The following STRBP variants were observed in gnomAD, a reference collection of about 807,000 sequenced individuals.
STRBP encodes the protein spermatid perinuclear RNA binding protein.
STRBP carries 13 observed loss-of-function variants against 80.1 expected under a neutral mutation model. The observed-to-expected ratio is 0.16, with a 90% CI of 0.11 to 0.26. STRBP has a LOEUF of 0.26. Among genes scored for constraint, STRBP ranks in the 10% least tolerant of loss-of-function variants. The probability of loss-of-function intolerance (pLI) is 1.00; values close to 1 mark genes in which losing one functional copy is unlikely to be tolerated. For missense variants in STRBP, 485 were observed against 815.2 expected, an observed-to-expected ratio of 0.59 and a Z score of 4.93; for synonymous variants, 284 against 291.2, an observed-to-expected ratio of 0.98 and a Z score of 0.25.
chr9:123,151,240 C>G (rs2037044935), intron 11 of STRBP, among the ~76,000 whole-genome samples: 1 of 151,824 alleles, frequency 6.6e-6, no homozygotes, highest in Non-Finnish European at 1.5e-5. Context: ...TAAACTAAAA[C>G]CTGGCAGGCC....
At chr9:123,207,329 T>C (rs1247341100) in intron 2 of STRBP, among the ~76,000 whole-genome samples, 2 of 152,172 alleles carry the variant, frequency 1.3e-5, no homozygotes, top group Non-Finnish European at 2.9e-5. Context: ...ACTGCACAGT[T>C]TATGAATGAC....
At chr9:123,240,527 G>C (rs1489882756) in intron 1 of STRBP, among the ~76,000 whole-genome samples, 2 of 152,208 alleles carry the variant, frequency 1.3e-5, no homozygotes, top group African/African-American at 4.8e-5. Flanking sequence ...CAACAGGATT[G>C]ATAGAATCAA....
rs10546358 is a variant in STRBP, at chr9:123,182,217, TAAAAAAAAAAAAAAAAA to T, written c.3+1898_3+1914del. Among the ~76,000 whole-genome samples, 11 of 69,800 alleles carry T rather than the reference TAAAAAAAAAAAAAAAAA, an allele frequency of 1.6e-4. No homozygotes were observed. In the South Asian group the frequency reaches 2.7e-3, roughly 17 times the overall value. 45.8% of individuals were successfully genotyped at this position (69,800 alleles called of 152,430 possible). A position where few individuals can be genotyped will look rare whatever the true frequency, so the allele number is the denominator to read the frequency against. Reference sequence around the variant, plus strand: ...GCAACAGAGTGAGACTCCGTTTCTTTAAAAAAAAAAAAAAAAAAAAAAAAAAAAAAAGACAAAAAATT... The same window carrying T: ...GCAACAGAGTGAGACTCCGTTTCTTTAAAAAAAAAAAAAAGACAAAAAATT... On this transcript the variant is annotated intron_variant, in intron 3 of 18. Coordinates refer to ENST00000348403, the MANE Select transcript of STRBP (RefSeq NM_018387.5).
chr9:123,261,992 T>C (rs1206713796), intron 1 of STRBP, among the ~76,000 whole-genome samples: 1 of 152,224 alleles, frequency 6.6e-6, no homozygotes, highest in Non-Finnish European at 1.5e-5. Flanking sequence ...GCCTCCATCT[T>C]AACTTTTACA....
chr9:123,230,445 C>T (rs1041220621), intron 2 of STRBP, among the ~76,000 whole-genome samples: 1 of 152,192 alleles, frequency 6.6e-6, no homozygotes, highest in Non-Finnish European at 1.5e-5. Flanking sequence ...TAGTAACTTA[C>T]ATACATTTCC....
At chr9:123,219,977 G>A (rs988960220) in intron 2 of STRBP, among the ~76,000 whole-genome samples, 6 of 152,140 alleles carry the variant, frequency 3.9e-5, no homozygotes, top group African/African-American at 1.4e-4. Context: ...AGGAATGAAT[G>A]CAAACAAATG....
intron 1 of STRBP, among the ~76,000 whole-genome samples, chr9:123,261,730 C>T (rs1161936725): frequency 6.6e-6 from 1 of 152,148 alleles, no homozygotes; most frequent in East Asian, 1.9e-4. Context: ...CAAAAACAAC[C>T]GAAAATATTC....
At chr9:123,178,122 TA>T (rs1396620198) in intron 4 of STRBP, among the ~76,000 whole-genome samples, 5 of 152,188 alleles carry the variant, frequency 3.3e-5, no homozygotes, top group East Asian at 3.8e-4. Flanking sequence ...GATCTGAAGA[TA>T]AAAAAAGTTA....
intron 2 of STRBP, among the ~76,000 whole-genome samples, chr9:123,223,924 A>C (rs1158195453): frequency 6.6e-6 from 1 of 152,200 alleles, no homozygotes; most frequent in African/African-American, 2.4e-5. Flanking sequence ...GGCAGAACCA[A>C]AGGTGCTAGA....
intron 6 of STRBP, among the ~76,000 whole-genome samples, chr9:123,164,114 C>T (rs900118067): frequency 6.6e-6 from 1 of 152,140 alleles, no homozygotes; most frequent in Non-Finnish European, 1.5e-5. Flanking sequence ...GGCATGATCT[C>T]GGCTCACTGC....
intron 2 of STRBP, among the ~76,000 whole-genome samples, chr9:123,222,849 G>A (rs961074112): frequency 1.3e-5 from 2 of 152,054 alleles, no homozygotes; most frequent in African/African-American, 2.4e-5. Flanking sequence ...CAAAAATTGT[G>A]CTTAAGTATT....
intron 6 of STRBP, among the ~76,000 whole-genome samples, chr9:123,165,711 C>CAGTAAT (rs2037727286): frequency 6.6e-6 from 1 of 152,114 alleles, no homozygotes; most frequent in Non-Finnish European, 1.5e-5. Flanking sequence ...ACCAGATCAG[C>CAGTAAT]CTAACCACTC....
At chr9:123,188,125 T>C (rs1202166654) in intron 2 of STRBP, among the ~76,000 whole-genome samples, 2 of 152,202 alleles carry the variant, frequency 1.3e-5, no homozygotes, top group Admixed American at 1.3e-4. Flanking sequence ...ATATCATATG[T>C]AGCCTTTTGA....
intron 2 of STRBP, among the ~76,000 whole-genome samples, chr9:123,214,148 AC>A (rs1440437278): frequency 4.6e-5 from 3 of 64,952 alleles, no homozygotes; most frequent in African/African-American, 1.4e-4. Flanking sequence ...ATATGTATAC[AC>A]ACACACACAC....
intron 6 of STRBP, 106 bp from the exon 7 acceptor site, chr9:123,161,174 CTAA>C (rs1169208761): frequency 3.6e-6 from 3 of 840,474 alleles, no homozygotes; most frequent in African/African-American, 1.8e-5. Context: ...TTTGAGTGAA[CTAA>C]TAAGACTCCC....
chr9:123,234,970 TG>T (rs1205305616), intron 2 of STRBP, among the ~76,000 whole-genome samples: 3 of 138,870 alleles, frequency 2.2e-5, no homozygotes, highest in African/African-American at 7.8e-5. Context: ...AAATTTTTTT[TG>T]TATCTGTTCA....
intron 2 of STRBP, chr9:123,116,219 T>C: frequency 7.3e-6 from 3 of 408,308 alleles, no homozygotes; most frequent in South Asian, 1.8e-5. Context: ...GGTGATCCCA[T>C]GGGTTAGAGC....
rs182458006 is a variant in STRBP, at chr9:123,164,541, C to A, written c.536-3473G>T. Among the ~76,000 whole-genome samples the A allele has an allele frequency of 3.3e-4, 51 of 152,300 alleles. No individual in the cohort carries two copies. In the East Asian group the frequency reaches 8.5e-3, roughly 25 times the overall value. Reference sequence around the variant, plus strand: ...TTGGTCAGTTTCTCTCAATGCCTTACATGCAAGCTAGCTATCTGTCCCTGT... The same window carrying A: ...TTGGTCAGTTTCTCTCAATGCCTTAAATGCAAGCTAGCTATCTGTCCCTGT... On this transcript the variant is annotated intron_variant, in intron 6 of 18. Coordinates refer to ENST00000348403, the MANE Select transcript of STRBP (RefSeq NM_018387.5).
chr9:123,133,899 A>C (rs1392622249), intron 16 of STRBP, among the ~76,000 whole-genome samples: 1 of 152,134 alleles, frequency 6.6e-6, no homozygotes, highest in Non-Finnish European at 1.5e-5. Flanking sequence ...AAAATGCCAT[A>C]ATCTATGGAA....
Sources: gnomAD v4.1 joint callset for allele counts (sites outside exome capture counted in the v4.1 genomes callset) on GRCh38, gnomAD v4.1.1 for gene constraint, MANE v1.5 for transcripts, NCBI Gene and HGNC (gene_info 2026-07-23, HGNC 2026-07-21) for gene names.